Variants in BMPR1A observed in about 807,000 individuals in gnomAD.
The protein encoded by BMPR1A is bone morphogenetic protein receptor type 1A.
BMPR1A carries 7 observed loss-of-function variants against 66.0 expected under a neutral mutation model. The ratio of observed to expected loss-of-function variants is 0.11; its 90% CI spans 0.06 to 0.20. BMPR1A has a LOEUF of 0.20. Among genes scored for constraint, BMPR1A ranks in the 10% least tolerant of loss-of-function variants. The pLI, the probability that BMPR1A is intolerant of heterozygous loss-of-function variation, is 1.00. For synonymous variants in BMPR1A, 200 were observed against 229.7 expected, an observed-to-expected ratio of 0.87 and a Z score of 1.17; for missense variants, 408 against 669.1, an observed-to-expected ratio of 0.61 and a Z score of 4.31.
intron 7 of BMPR1A, among the ~76,000 whole-genome samples, chr10:86,907,349 A>G (rs565850403): frequency 6.6e-6 from 1 of 152,230 alleles, no homozygotes; most frequent in African/African-American, 2.4e-5. Flanking sequence ...TGGGGAGGGT[A>G]TGGAGAAAGG....
At chr10:86,758,055 G>C (rs117494549) in intron 1 of BMPR1A, among the ~76,000 whole-genome samples, 27 of 152,306 alleles carry the variant, frequency 1.8e-4, no homozygotes, top group East Asian at 9.6e-4. Flanking sequence ...ATTGTTTTCA[G>C]TTGTTGAAAT....
intron 1 of BMPR1A, among the ~76,000 whole-genome samples, chr10:86,816,742 G>A (rs1016650544): frequency 3.9e-5 from 6 of 152,142 alleles, no homozygotes; most frequent in African/African-American, 9.7e-5. Flanking sequence ...AAGGCTCTCC[G>A]TATCTGCACA....
At chr10:86,797,068 C>CTTTT (rs780930060) in intron 1 of BMPR1A, among the ~76,000 whole-genome samples, 3 of 105,024 alleles carry the variant, frequency 2.9e-5, no homozygotes, top group South Asian at 3.2e-4. Flanking sequence ...CTTTTCTTTT[C>CTTTT]TTTTTTTTTT....
At chr10:86,797,871 G>T (rs1342706727) in intron 1 of BMPR1A, among the ~76,000 whole-genome samples, 2 of 151,940 alleles carry the variant, frequency 1.3e-5, no homozygotes, top group African/African-American at 4.8e-5. Context: ...AATTGGGTTG[G>T]TTGCTGTAGG....
At chr10:86,805,435 C>G (rs2132894682) in intron 1 of BMPR1A, among the ~76,000 whole-genome samples, 1 of 146,124 alleles carries the variant, frequency 6.8e-6, no homozygotes, top group East Asian at 2.1e-4. Flanking sequence ...TATATTATGC[C>G]CCTTTACCCT....
intron 4 of BMPR1A, among the ~76,000 whole-genome samples, chr10:86,890,602 ATTT>A (rs201362166): frequency 6.7e-6 from 1 of 150,336 alleles, no homozygotes; most frequent in Admixed American, 6.6e-5. Context: ...TTAAAAAAAA[ATTT>A]TTTTTTTAAC....
intron 2 of BMPR1A, among the ~76,000 whole-genome samples, chr10:86,862,213 G>A (rs1842720863): frequency 6.6e-6 from 1 of 152,192 alleles, no homozygotes; most frequent in Non-Finnish European, 1.5e-5. Flanking sequence ...GCTAGGCATG[G>A]GGATGGGATT....
chr10:86,795,645 A>G (rs1248602045), intron 1 of BMPR1A, among the ~76,000 whole-genome samples: 3 of 152,138 alleles, frequency 2.0e-5, no homozygotes, highest in African/African-American at 7.2e-5. Context: ...ACCCTTCCCC[A>G]TAGTAGGGAG....
chr10:86,863,488 C>T (rs1288354408), intron 2 of BMPR1A, among the ~76,000 whole-genome samples: 4 of 152,154 alleles, frequency 2.6e-5, no homozygotes, highest in Admixed American at 6.6e-5. Context: ...AAAATTGACT[C>T]TCTCTGACCT....
intron 2 of BMPR1A, among the ~76,000 whole-genome samples, chr10:86,861,819 G>A (rs888607599): frequency 6.6e-6 from 1 of 152,236 alleles, no homozygotes; most frequent in Non-Finnish European, 1.5e-5. Context: ...ACAAGTCAGG[G>A]ATGGAAGTGA....
At chr10:86,903,322 A>C (rs1357498162) in intron 7 of BMPR1A, among the ~76,000 whole-genome samples, 1 of 152,192 alleles carries the variant, frequency 6.6e-6, no homozygotes, top group Non-Finnish European at 1.5e-5. Flanking sequence ...CAAAAGTTAA[A>C]TCAAGACATG....
chr10:86,853,941 C>T (rs1010859424), intron 2 of BMPR1A, among the ~76,000 whole-genome samples: 1 of 152,286 alleles, frequency 6.6e-6, no homozygotes, highest in East Asian at 1.9e-4. Context: ...TTGAGAGCAA[C>T]CAGTCTGACC....
At position 86,873,405 on chromosome 10, in the gene BMPR1A, T is replaced by A. The variant is rs141197298; in HGVS notation, c.-152-2462T>A. ...GAGTTTGAGACCAGCCCAGGCAACA[T>A]AGCGAGACCCACCGCCCCCACCCCT... On this transcript the variant is annotated intron_variant, in intron 2 of 12. Transcript: ENST00000372037. Among the ~76,000 whole-genome samples the A allele has an allele frequency of 2.5e-4, 37 of 147,272 alleles. No individual in the cohort carries two copies. In the East Asian group the frequency reaches 5.9e-3, roughly 23 times the overall value.
At chr10:86,782,215 G>A (rs767796884) in intron 1 of BMPR1A, among the ~76,000 whole-genome samples, 14 of 152,086 alleles carry the variant, frequency 9.2e-5, no homozygotes, top group Admixed American at 7.9e-4. Context: ...TACCACATTT[G>A]TTGATCCATT....
intron 1 of BMPR1A, among the ~76,000 whole-genome samples, chr10:86,830,314 A>G (rs1270453994): frequency 6.6e-6 from 1 of 152,238 alleles, no homozygotes; most frequent in East Asian, 1.9e-4. Context: ...ACAGGAATTT[A>G]CAAGGAAGTA....
intron 1 of BMPR1A, among the ~76,000 whole-genome samples, chr10:86,759,783 G>A (rs1269091141): frequency 6.6e-6 from 1 of 152,096 alleles, no homozygotes; most frequent in Non-Finnish European, 1.5e-5. Context: ...CCTCCCCTAT[G>A]TGACCATTTA....
At chr10:86,766,965 A>G (rs909054300) in intron 1 of BMPR1A, among the ~76,000 whole-genome samples, 3 of 151,906 alleles carry the variant, frequency 2.0e-5, no homozygotes, top group Admixed American at 1.3e-4. Flanking sequence ...CTCAGACAAC[A>G]GGTGCACGTC....
intron 2 of BMPR1A, among the ~76,000 whole-genome samples, chr10:86,874,108 G>A (rs934925648): frequency 6.6e-6 from 1 of 152,196 alleles, no homozygotes; most frequent in Non-Finnish European, 1.5e-5. Flanking sequence ...TTCAGGAATA[G>A]TTCAAGCTGA....
intron 1 of BMPR1A, among the ~76,000 whole-genome samples, chr10:86,786,254 C>T (rs781446232): frequency 1.7e-4 from 26 of 152,172 alleles, no homozygotes; most frequent in Non-Finnish European, 3.5e-4. Flanking sequence ...CATCTTAAAA[C>T]ACAACAAAAC....
Sources: allele counts gnomAD v4.1 joint callset (sites outside exome capture counted in the v4.1 genomes callset), GRCh38; gene constraint gnomAD v4.1.1; transcripts MANE v1.5; gene names NCBI Gene and HGNC (gene_info 2026-07-23, HGNC 2026-07-21).